The following MSRB3 variants were observed in gnomAD, a reference collection of about 807,000 sequenced individuals.
MSRB3 encodes methionine sulfoxide reductase B3, also known as methionine-R-sulfoxide reductase B3.
MSRB3 carries 13 observed loss-of-function variants against 21.0 expected under a neutral mutation model. That is an observed-to-expected ratio of 0.62 (90% CI 0.40 to 0.98). The LOEUF (loss-of-function observed/expected upper bound fraction) is 0.98. MSRB3 is among the 50% of genes least tolerant of loss of function. The pLI, the probability that MSRB3 is intolerant of heterozygous loss-of-function variation, is 0.00. For missense variants in MSRB3, 199 were observed against 230.3 expected, an observed-to-expected ratio of 0.86 and a Z score of 0.88; for synonymous variants, 87 against 88.6, an observed-to-expected ratio of 0.98 and a Z score of 0.10.
chr12:65,383,580 G>C (rs1405625858), intron 5 of MSRB3, among the ~76,000 whole-genome samples: 1 of 151,534 alleles, frequency 6.6e-6, no homozygotes, highest in Admixed American at 6.6e-5. Context: ...ATTTCTTGGT[G>C]GTATGGGTAA....
intron 4 of MSRB3, among the ~76,000 whole-genome samples, chr12:65,346,661 A>C (rs1427085171): frequency 6.6e-6 from 1 of 152,144 alleles, no homozygotes; most frequent in Admixed American, 6.6e-5. Flanking sequence ...GTCCTTGCCC[A>C]TGCCTATGTC....
At chr12:65,342,407 T>TA in intron 4 of MSRB3, among the ~76,000 whole-genome samples, 2 of 151,910 alleles carry the variant, frequency 1.3e-5, no homozygotes, top group South Asian at 2.1e-4. Context: ...CTCTTAATAA[T>TA]AAAAAATGAG....
At chr12:65,393,685 T>C (rs531144618) in intron 5 of MSRB3, among the ~76,000 whole-genome samples, 3 of 151,864 alleles carry the variant, frequency 2.0e-5, no homozygotes, top group East Asian at 3.9e-4. Flanking sequence ...GGTTTGTGTT[T>C]GTTGTTCTTG....
intron 5 of MSRB3, among the ~76,000 whole-genome samples, chr12:65,434,704 A>G (rs1350999166): frequency 6.6e-6 from 1 of 151,924 alleles, no homozygotes. Context: ...CCTTCCATTA[A>G]TGAGATAGTA....
chr12:65,445,943 C>A (rs1273621398), intron 5 of MSRB3, among the ~76,000 whole-genome samples: 2 of 152,114 alleles, frequency 1.3e-5, no homozygotes, highest in Non-Finnish European at 2.9e-5. Context: ...CCATGCCCAG[C>A]CAAGATAAAT....
intron 2 of MSRB3, among the ~76,000 whole-genome samples, chr12:65,311,104 T>C (rs1873958562): frequency 6.6e-6 from 1 of 152,180 alleles, no homozygotes; most frequent in South Asian, 2.1e-4. Context: ...TTAACTATTT[T>C]TTACTTTCAT....
chr12:65,295,134 A>G (rs1249399521), intron 1 of MSRB3, among the ~76,000 whole-genome samples: 1 of 152,220 alleles, frequency 6.6e-6, no homozygotes, highest in Non-Finnish European at 1.5e-5. Flanking sequence ...CTGACCTTCC[A>G]TGTTTTATTC....
At chr12:65,368,041 C>T (rs1565858405) in intron 4 of MSRB3, among the ~76,000 whole-genome samples, 1 of 152,042 alleles carries the variant, frequency 6.6e-6, no homozygotes, top group Non-Finnish European at 1.5e-5. Flanking sequence ...CCCTTTCCTC[C>T]TTTGATGACT....
chr12:65,377,760 G>A (rs546527129), intron 5 of MSRB3, among the ~76,000 whole-genome samples: 1 of 152,308 alleles, frequency 6.6e-6, no homozygotes, highest in South Asian at 2.1e-4. Flanking sequence ...GTGGCTACAG[G>A]GCCAGAGTTG....
intron 6 of MSRB3, among the ~76,000 whole-genome samples, chr12:65,456,903 A>T (rs2136708668): frequency 6.6e-6 from 1 of 152,270 alleles, no homozygotes; most frequent in South Asian, 2.1e-4. Flanking sequence ...ACTGAATTCA[A>T]GTGGACTGGG....
chr12:65,348,018 T>C (rs1019969442), intron 4 of MSRB3, among the ~76,000 whole-genome samples: 10 of 152,202 alleles, frequency 6.6e-5, no homozygotes, highest in African/African-American at 2.4e-4. Flanking sequence ...TGCATCGATG[T>C]TCATTAGGGA....
Position 65,427,129 on chromosome 12 carries a change from T to C in MSRB3, c.293-26599T>C, listed in dbSNP as rs1881638123. Reference sequence around the variant, plus strand: ...TTTTATGTTTCTTGTTGCCTTATGTTAATCTTTGCACATTTGGTGGAACAG... The same window carrying C: ...TTTTATGTTTCTTGTTGCCTTATGTCAATCTTTGCACATTTGGTGGAACAG... On this transcript the variant is annotated intron_variant, in intron 5 of 6. Transcript: ENST00000308259. Among the ~76,000 whole-genome samples the C allele has an allele frequency of 2.6e-5, 4 of 152,212 alleles. No individual in the cohort carries two copies. In the South Asian group the frequency reaches 8.3e-4, roughly 31 times the overall value.
intron 1 of MSRB3, among the ~76,000 whole-genome samples, chr12:65,287,038 A>G (rs1232933069): frequency 6.7e-6 from 1 of 149,280 alleles, no homozygotes; most frequent in East Asian, 1.9e-4. Flanking sequence ...AAAAAAAAAA[A>G]AAAAAAAGCA....
chr12:65,377,305 G>A (rs1030234635), intron 5 of MSRB3, among the ~76,000 whole-genome samples: 1 of 152,052 alleles, frequency 6.6e-6, no homozygotes, highest in African/African-American at 2.4e-5. Context: ...TTTTGAGACA[G>A]AGTCTTGCTC....
chr12:65,378,639 G>A lies in MSRB3; in HGVS notation c.292+9613G>A, dbSNP rs117906889. Among the ~76,000 whole-genome samples the A allele has an allele frequency of 9.2e-5, 14 of 152,300 alleles. 1 individual carries two copies. The highest frequency in any genetic ancestry group is 3.4e-3 in the Middle Eastern group (1 of 294). On this transcript the variant is annotated intron_variant, in intron 5 of 6. Coordinates refer to ENST00000308259, the MANE Select transcript of MSRB3 (RefSeq NM_001031679.3). ...TTGCTGGCCACACACAAAAAGTAGC[G>A]TTAATGGCCTTGGTGAATTTTTTGT...
At chr12:65,433,030 A>G (rs565491665) in intron 5 of MSRB3, among the ~76,000 whole-genome samples, 2 of 152,094 alleles carry the variant, frequency 1.3e-5, no homozygotes, top group African/African-American at 4.8e-5. Context: ...GTGGGAATGT[A>G]AAATGGTACA....
intron 5 of MSRB3, among the ~76,000 whole-genome samples, chr12:65,384,579 A>T (rs1265720035): frequency 6.6e-6 from 1 of 152,134 alleles, no homozygotes; most frequent in African/African-American, 2.4e-5. Flanking sequence ...TCTACCCTAA[A>T]ATTTACAACT....
chr12:65,327,260 C>T (rs940752777), intron 3 of MSRB3, among the ~76,000 whole-genome samples: 1 of 152,196 alleles, frequency 6.6e-6, no homozygotes, highest in Non-Finnish European at 1.5e-5. Flanking sequence ...TAAGCAAAAC[C>T]ATGAGGGACT....
At chr12:65,282,019 T>G (rs1001085746) in intron 1 of MSRB3, 18 of 152,326 alleles carry the variant, frequency 1.2e-4, no homozygotes, top group African/African-American at 3.1e-4. Flanking sequence ...GTTTTCCTTT[T>G]AAAATGCTCA....
Sources: allele counts gnomAD v4.1 joint callset (sites outside exome capture counted in the v4.1 genomes callset), GRCh38; gene constraint gnomAD v4.1.1; transcripts MANE v1.5; gene names NCBI Gene and HGNC (gene_info 2026-07-23, HGNC 2026-07-21).